The following UBN1 variants were observed in gnomAD, a reference collection of about 807,000 sequenced individuals.
The protein encoded by UBN1 is ubinuclein 1, also known as ubinuclein-1.
Under a neutral mutation model 108.5 loss-of-function variants are expected in UBN1, and 17 were observed. The ratio of observed to expected loss-of-function variants is 0.16; its 90% CI spans 0.11 to 0.24. UBN1 has a LOEUF of 0.24. Among genes scored for constraint, UBN1 ranks in the 10% least tolerant of loss-of-function variants. The pLI is 1.00. For missense variants in UBN1, 1,595 were observed against 1,394.4 expected, an observed-to-expected ratio of 1.14 and a Z score of -2.29; for synonymous variants, 726 against 564.2, an observed-to-expected ratio of 1.29 and a Z score of -4.07.
intron 11 of UBN1, 69 bp downstream of exon 11, chr16:4,871,041 G>T (rs1245283697): frequency 6.2e-7 from 1 of 1,605,330 alleles, no homozygotes; most frequent in East Asian, 2.2e-5. Flanking sequence ...GTCCCCTATT[G>T]CTGACAAAGG....
intron 7 of UBN1, among the ~76,000 whole-genome samples, chr16:4,863,912 G>A (rs2087191324): frequency 6.6e-6 from 1 of 152,100 alleles, no homozygotes; most frequent in Admixed American, 6.6e-5. Context: ...TTGAGAGCTA[G>A]CCTTAGAGGC....
chr16:4,855,901 G>A (rs1347207642), intron 2 of UBN1, among the ~76,000 whole-genome samples: 1 of 152,046 alleles, frequency 6.6e-6, no homozygotes, highest in East Asian at 1.9e-4. Context: ...CCTGGGTGAT[G>A]GCGACTCCAT....
intron 2 of UBN1, among the ~76,000 whole-genome samples, chr16:4,853,677 C>T (rs996122178): frequency 6.6e-6 from 1 of 151,916 alleles, no homozygotes; most frequent in South Asian, 2.1e-4. Flanking sequence ...CCTGCCTCAA[C>T]CTCCCGAGTA....
At chr16:4,872,160 C>A (rs1243918643) in intron 12 of UBN1, 6 of 983,640 alleles carry the variant, frequency 6.1e-6, no homozygotes, top group Non-Finnish European at 4.8e-6. Context: ...ATCTTGGAAC[C>A]TTTGAAATTG....
chr16:4,849,588 G>T (rs2086437931), intron 1 of UBN1, among the ~76,000 whole-genome samples: 1 of 149,218 alleles, frequency 6.7e-6, no homozygotes, highest in Non-Finnish European at 1.5e-5. Context: ...GGGGATCTTT[G>T]TTTTTTTCTT....
chr16:4,864,311 A>T (rs1209854036), intron 7 of UBN1, among the ~76,000 whole-genome samples: 1 of 151,794 alleles, frequency 6.6e-6, no homozygotes, highest in Non-Finnish European at 1.5e-5. Flanking sequence ...ATGTGTATTG[A>T]TCCCTTAGGG....
chr16:4,859,065 G>A lies in UBN1; in HGVS notation c.473G>A (p.Gly158Glu). 1.2e-6 allele frequency: 2 copies of A among 1,614,186 alleles called. No individual in the cohort carries two copies. Among genetic ancestry groups the A allele is most frequent in the Non-Finnish European group, 1.7e-6 (2 of 1,180,032 alleles). ...LVPASLTTKY[G>E]GFYINSGTLQ... The stretch of plus-strand genomic sequence containing the variant: ...CCTGCTTCTTTGACTACGAAGTATG[G>A]AGGATTTTACATTAACTCGGGAACC... Residue 158 changes from glycine to glutamate, a missense_variant, in exon 5 of 18, where the codon GGA becomes GAA. Gly to Glu is a moderately conservative substitution (Grantham distance 98). This residue lies in a region of UBN1 where 16 missense variants were observed against 42.4 expected (regional missense o/e 0.38). Transcript: ENST00000262376.
chr16:4,850,238 A>G (rs76214824), intron 1 of UBN1, among the ~76,000 whole-genome samples: 17,451 of 152,172 alleles, frequency 0.11, 1,297 homozygotes, highest in South Asian at 0.26. Context: ...GACTCACTTT[A>G]TCCTGTAGTC....
intron 1 of UBN1, among the ~76,000 whole-genome samples, chr16:4,848,747 T>G (rs2086351693): frequency 6.6e-6 from 1 of 152,222 alleles, no homozygotes; most frequent in African/African-American, 2.4e-5. Context: ...TAACATAAGT[T>G]CCTGTTTAAA....
intron 2 of UBN1, among the ~76,000 whole-genome samples, chr16:4,853,421 A>G (rs1349401143): frequency 6.6e-6 from 1 of 152,210 alleles, no homozygotes; most frequent in Non-Finnish European, 1.5e-5. Context: ...TATAAACGTT[A>G]TGTGTAAATG....
At chr16:4,855,555 G>A (rs2086766103) in intron 2 of UBN1, among the ~76,000 whole-genome samples, 1 of 147,100 alleles carries the variant, frequency 6.8e-6, no homozygotes, top group Non-Finnish European at 1.5e-5. Context: ...GGTCAAGGTT[G>A]CAGTGAGCCG....
At position 4,857,369 on chromosome 16, in the gene UBN1, A is replaced by T. The variant is rs199598046; in HGVS notation, c.250-621A>T. ...CTTATCTCAAAAAAAAAAAAAAAAA[A>T]TTTTTTTTTTTGGATTCCTTGCTCA... On this transcript the variant is annotated intron_variant, in intron 2 of 17. Transcript: ENST00000262376. 3.8e-3 allele frequency among the ~76,000 whole-genome samples: 318 copies of T among 83,698 alleles called. 1 individual carries two copies. The highest frequency in any genetic ancestry group is 0.01 in the South Asian group (27 of 2,700). The allele number at this position is 83,698 out of a possible 152,430, so 54.9% of individuals were successfully genotyped here.
chr16:4,867,675 G>T (rs2087403280), intron 7 of UBN1, among the ~76,000 whole-genome samples: 2 of 152,104 alleles, frequency 1.3e-5, no homozygotes, highest in African/African-American at 2.4e-5. Flanking sequence ...CCTGGGGTCC[G>T]CCTATGGAAA....
In UBN1 at chr16:4,871,158, G is replaced by T. The variant is rs1567941321; in HGVS notation, c.1563G>T (p.Glu521Asp). ...CTGATTTCTGCCTCCTTCTCAGGGAGCTACTGTGCCAGGTGGTGAAGATCA... is the reference window on the plus strand; with the variant it reads ...CTGATTTCTGCCTCCTTCTCAGGGATCTACTGTGCCAGGTGGTGAAGATCA... Reference protein sequence around the residue: ...KKFQWNDEIRELLCQVVKIKL... With the variant: ...KKFQWNDEIRDLLCQVVKIKL... Residue 521 changes from glutamate (E) to aspartate (D), a missense_variant, in exon 12 of 18, where the codon GAG (glutamate) becomes GAT (aspartate). Coordinates refer to ENST00000262376, the MANE Select transcript of UBN1 (RefSeq NM_001079514.3). The T allele has an allele frequency of 6.2e-7, 1 of 1,614,094 alleles. No individual in the cohort carries two copies. The highest frequency in any genetic ancestry group is 1.7e-5 in the Admixed American group (1 of 59,988).
At chr16:4,867,803 T>C (rs2087410520) in intron 7 of UBN1, among the ~76,000 whole-genome samples, 1 of 152,034 alleles carries the variant, frequency 6.6e-6, no homozygotes, top group African/African-American at 2.4e-5. Context: ...TGTCTGCAAT[T>C]TCAGAGGGGT....
chr16:4,860,589 C>G (rs568780001), intron 6 of UBN1, 75 bp from the exon 7 acceptor site: 155 of 1,433,858 alleles, frequency 1.1e-4, no homozygotes, highest in Admixed American at 3.3e-4. Context: ...ACCCTGGGAG[C>G]AGGGGTGAAG....
chr16:4,851,968 T>C (rs899440375), intron 1 of UBN1, among the ~76,000 whole-genome samples: 2 of 152,228 alleles, frequency 1.3e-5, no homozygotes, highest in African/African-American at 4.8e-5. Flanking sequence ...ATGTATAATA[T>C]CAAGAGCGCT....
Position 4,881,353 on chromosome 16 carries a change from G to C in UBN1, c.*1221G>C, listed in dbSNP as rs2142310897. 1 of 152,504 alleles carries C rather than the reference G, an allele frequency of 6.6e-6. No homozygotes were observed. Among genetic ancestry groups the C allele is most frequent in the South Asian group, 2.1e-4 (1 of 4,824 alleles). The allele number at this position is 152,504 out of a possible 1,614,324, so 9.4% of individuals were successfully genotyped here. The stretch of plus-strand genomic sequence containing the variant: ...GCAGAAGAGCTTGGAGAGTGGATCA[G>C]AGAGACTAGGACAGTTACTGCAGAG... On this transcript the variant is annotated 3_prime_UTR_variant, in exon 18 of 18. Coordinates refer to ENST00000262376, the MANE Select transcript of UBN1 (RefSeq NM_001079514.3).
intron 17 of UBN1, among the ~76,000 whole-genome samples, chr16:4,878,293 C>T (rs2087975614): frequency 6.6e-6 from 1 of 152,142 alleles, no homozygotes; most frequent in African/African-American, 2.4e-5. Flanking sequence ...TACTGTAGAC[C>T]CGCTTCAGAC....
Sources: gnomAD v4.1 joint callset for allele counts (sites outside exome capture counted in the v4.1 genomes callset) on GRCh38, gnomAD v4.1.1 for gene constraint, gnomAD v4.1.1 regional missense constraint, MANE v1.5 for transcripts, NCBI Gene and HGNC (gene_info 2026-07-23, HGNC 2026-07-21) for gene names.